HMCN1: variants seen among roughly 807,000 people sequenced by gnomAD.
The protein encoded by HMCN1 is hemicentin-1.
HMCN1 carries 321 observed loss-of-function variants against 625.9 expected under a neutral mutation model. That is an observed-to-expected ratio of 0.51 (90% confidence interval 0.47 to 0.56). HMCN1 has a LOEUF of 0.56. HMCN1 is among the 20% of genes least tolerant of loss of function. The pLI, the probability that HMCN1 is intolerant of heterozygous loss-of-function variation, is 0.00. For synonymous variants in HMCN1, 2,425 were observed against 2,417.6 expected (o/e 1.00, Z -0.09); for missense variants, 6,588 against 6,887.3 (o/e 0.96, Z 1.54).
rs769229797 is a variant in HMCN1 at position 185,925,194 on chromosome 1, A to G, written c.1430+3A>G. 6.2e-7 allele frequency: 1 copy of G among 1,611,770 alleles called. No individual in the cohort carries two copies. The highest frequency in any genetic ancestry group is 8.5e-7 in the Non-Finnish European group (1 of 1,177,894). On this transcript the variant is annotated splice_donor_region_variant and intron_variant, in intron 9 of 106. Coordinates refer to ENST00000271588, the MANE Select transcript of HMCN1 (RefSeq NM_031935.3). ...CTTGGAGTAGACCAGTATTTGAAGTAGGTACATGTTTCTGTCAGTAATAAG... is the reference window on the plus strand; with the variant it reads ...CTTGGAGTAGACCAGTATTTGAAGTGGGTACATGTTTCTGTCAGTAATAAG...
chr1:186,107,543 T>C (rs748153168), intron 70 of HMCN1, among the ~76,000 whole-genome samples: 26 of 152,220 alleles, frequency 1.7e-4, no homozygotes, highest in Non-Finnish European at 3.4e-4. Flanking sequence ...TAACTTGCTT[T>C]TATCTCAATG....
intron 6 of HMCN1, among the ~76,000 whole-genome samples, chr1:185,920,087 A>G (rs1666926256): frequency 6.6e-6 from 1 of 152,222 alleles, no homozygotes; most frequent in African/African-American, 2.4e-5. Context: ...GAAGAAATTT[A>G]TGTGGTGTTT....
At chr1:186,107,084 A>T in intron 70 of HMCN1, 119 bp downstream of exon 70, 1 of 764,212 alleles carries the variant, frequency 1.3e-6, no homozygotes, top group African/African-American at 1.7e-5. Flanking sequence ...TATTTTGCAA[A>T]TCTGAATCTT....
chr1:185,885,244 A>G (rs1046995418), intron 4 of HMCN1, among the ~76,000 whole-genome samples: 2 of 151,952 alleles, frequency 1.3e-5, no homozygotes, highest in Admixed American at 1.3e-4. Flanking sequence ...GTTACTTCAT[A>G]AAGATACTGT....
At chr1:186,046,960 A>G (rs542010623) in intron 41 of HMCN1, among the ~76,000 whole-genome samples, 1 of 152,232 alleles carries the variant, frequency 6.6e-6, no homozygotes, top group South Asian at 2.1e-4. Context: ...TTGGATTAGA[A>G]CACCCAGACT....
Position 186,135,504 on chromosome 1 carries a change from A to G in HMCN1, c.13313-1164A>G, listed in dbSNP as rs187073740. On this transcript the variant is annotated intron_variant, in intron 86 of 106. Transcript: ENST00000271588. ...CTCATCTTTATTCTGAGCTCTAGAT[A>G]TGAATATCCCTGTCATGTAGACATC... Among the ~76,000 whole-genome samples, 141 of 152,324 alleles carry G rather than the reference A, an allele frequency of 9.3e-4. 1 individual carries two copies. The highest frequency in any genetic ancestry group is 3.3e-3 in the African/African-American group (139 of 41,578).
At chr1:185,743,814 T>C (rs1654160869) in intron 1 of HMCN1, among the ~76,000 whole-genome samples, 1 of 152,158 alleles carries the variant, frequency 6.6e-6, no homozygotes, top group Non-Finnish European at 1.5e-5. Flanking sequence ...TATGTGAAAG[T>C]CCTTTAAAAG....
chr1:185,911,669 T>TTCA lies in HMCN1; in HGVS notation c.794-4_794-2dup, dbSNP rs34771656. On this transcript the variant is annotated splice_polypyrimidine_tract_variant and splice_region_variant and intron_variant, in intron 5 of 106. Coordinates refer to ENST00000271588, the MANE Select transcript of HMCN1 (RefSeq NM_031935.3). ...TGCTTGTTACCTTTATGTTCTGTCT[T>TTCA]TCAGGGAAGCTGATAAAAAAGGGAT... The TTCA allele has an allele frequency of 6.6e-5, 106 of 1,597,452 alleles. 1 individual carries two copies. The Middle Eastern group carries it at 1.3e-3, about 20-fold the overall frequency.
At chr1:185,768,238 A>G (rs1465125808) in intron 1 of HMCN1, among the ~76,000 whole-genome samples, 4 of 152,216 alleles carry the variant, frequency 2.6e-5, no homozygotes, top group Non-Finnish European at 5.9e-5. Context: ...CATAGGTGAC[A>G]GTAAGTTGGC....
Position 186,136,922 on chromosome 1 carries a change from C to A in HMCN1, c.13567C>A (p.Pro4523Thr). 1 of 1,613,674 alleles carries A rather than the reference C, an allele frequency of 6.2e-7. No homozygotes were observed. Among genetic ancestry groups the A allele is most frequent in the Non-Finnish European group, 8.5e-7 (1 of 1,179,892 alleles). ...NLMGSVLVRV[P>T]VIVQVHGGFS... is the part of the protein sequence containing the mutation. The stretch of plus-strand genomic sequence containing the variant: ...AATGGGTTCTGTCCTTGTCAGAGTG[C>A]CAGTCATAGTCCAGGGTGAGTGTGA... Residue 4523 changes from proline to threonine, a missense_variant, in exon 87 of 107, where the codon CCA (proline) becomes ACA (threonine). Physicochemically the swap from Pro to Thr is conservative, Grantham distance 38. This residue lies in a region of HMCN1 where 1,954 missense variants were observed against 2,013.1 expected (regional missense o/e 0.97). Coordinates refer to ENST00000271588, the MANE Select transcript of HMCN1 (RefSeq NM_031935.3).
At chr1:186,130,751 CT>C in intron 85 of HMCN1, 54 bp downstream of exon 85, 2 of 1,426,864 alleles carry the variant, frequency 1.4e-6, no homozygotes. Flanking sequence ...GCCAATACCC[CT>C]CTGTGAGTGC....
At chr1:185,892,044 G>C (rs982604645) in intron 4 of HMCN1, among the ~76,000 whole-genome samples, 1 of 150,916 alleles carries the variant, frequency 6.6e-6, no homozygotes, top group Non-Finnish European at 1.5e-5. Flanking sequence ...TTTCCTTCTC[G>C]CTTCATTTCA....
intron 29 of HMCN1, among the ~76,000 whole-genome samples, chr1:186,006,023 C>T (rs1056583943): frequency 6.6e-6 from 1 of 151,546 alleles, no homozygotes; most frequent in Non-Finnish European, 1.5e-5. Flanking sequence ...GTAATTCCAG[C>T]TACTTGGGAG....
intron 97 of HMCN1, among the ~76,000 whole-genome samples, chr1:186,158,473 C>T (rs1216054874): frequency 6.6e-6 from 1 of 152,136 alleles, no homozygotes; most frequent in African/African-American, 2.4e-5. Context: ...TCTTTTGTTG[C>T]CATTGCTTTT....
At chr1:186,132,288 T>C (rs777678752) in intron 85 of HMCN1, 40 bp from the exon 86 acceptor site, 2 of 1,435,428 alleles carry the variant, frequency 1.4e-6, no homozygotes, top group South Asian at 2.3e-5. Flanking sequence ...CCCTGCTCTG[T>C]AGGCTCATAT....
At chr1:185,897,841 A>T (rs1179393483) in intron 4 of HMCN1, among the ~76,000 whole-genome samples, 1 of 152,136 alleles carries the variant, frequency 6.6e-6, no homozygotes, top group Non-Finnish European at 1.5e-5. Context: ...CTCTTGTGAT[A>T]TTTAACTCAT....
At chr1:185,808,976 T>TACCC (rs1408111322) in intron 1 of HMCN1, among the ~76,000 whole-genome samples, 22 of 152,180 alleles carry the variant, frequency 1.4e-4, no homozygotes, top group African/African-American at 5.3e-4. Context: ...AAGGTTACTT[T>TACCC]ACCCACCCTC....
intron 11 of HMCN1, among the ~76,000 whole-genome samples, chr1:185,956,457 T>A (rs541761880): frequency 4.7e-4 from 71 of 152,282 alleles, no homozygotes; most frequent in African/African-American, 9.1e-4. Context: ...CACACTTTAC[T>A]TTTACTCATT....
Position 185,933,683 on chromosome 1 carries a change from G to T in HMCN1, c.1687G>T (p.Ala563Ser). 1 of 1,614,060 alleles carries T rather than the reference G, an allele frequency of 6.2e-7. No individual in the cohort carries two copies. The highest frequency in any genetic ancestry group is 8.5e-7 in the Non-Finnish European group (1 of 1,179,950). The change falls in exon 11 of 107, where the codon GCA becomes TCA. Residue 563 changes from alanine (A) to serine (S), a missense_variant. By Grantham distance (99) the Ala-to-Ser change is moderately conservative. Around this residue, in one of 3 missense-constraint regions of HMCN1, gnomAD observed 4,628 missense variants for 4,853.1 expected, o/e 0.95. Coordinates refer to ENST00000271588, the MANE Select transcript of HMCN1 (RefSeq NM_031935.3). Reference protein sequence around the residue: ...WQRNDRDVRLAEPARIRTLAN... With the variant: ...WQRNDRDVRLSEPARIRTLAN... Reference sequence around the variant, plus strand: ...GAGGAATGACAGAGATGTCAGACTGGCAGAGCCAGCGAGAATTAGGACCTT... The same window carrying T: ...GAGGAATGACAGAGATGTCAGACTGTCAGAGCCAGCGAGAATTAGGACCTT...
Sources: allele counts gnomAD v4.1 joint callset (sites outside exome capture counted in the v4.1 genomes callset), GRCh38; gene constraint gnomAD v4.1.1; regional missense constraint gnomAD v4.1.1; transcripts MANE v1.5; gene names NCBI Gene and HGNC (gene_info 2026-07-23, HGNC 2026-07-21).